Variants in JAZF1 observed in about 807,000 individuals in gnomAD.
JAZF1 encodes the protein juxtaposed with another zinc finger protein 1.
In JAZF1, 8 loss-of-function variants were observed where a neutral mutation model predicts 26.4. The ratio of observed to expected loss-of-function variants is 0.30; its 90% confidence interval spans 0.18 to 0.55. The LOEUF (loss-of-function observed/expected upper bound fraction) is 0.55. JAZF1 is among the 20% of genes least tolerant of loss of function. The pLI, the probability that JAZF1 is intolerant of heterozygous loss-of-function variation, is 0.94. For missense variants in JAZF1, 199 were observed against 322.0 expected, an observed-to-expected ratio of 0.62 and a Z score of 2.92; for synonymous variants, 126 against 122.3, an observed-to-expected ratio of 1.03 and a Z score of -0.20.
At chr7:28,119,149 C>T (rs1359045050) in intron 1 of JAZF1, among the ~76,000 whole-genome samples, 1 of 152,122 alleles carries the variant, frequency 6.6e-6, no homozygotes, top group African/African-American at 2.4e-5. Context: ...CTACCCACTC[C>T]CACCCTCAAG....
At chr7:27,880,417 G>A (rs1300943851) in intron 3 of JAZF1, among the ~76,000 whole-genome samples, 1 of 152,084 alleles carries the variant, frequency 6.6e-6, no homozygotes, top group Non-Finnish European at 1.5e-5. Flanking sequence ...GGCGGATCAC[G>A]AGGTCAGGAG....
chr7:28,175,506 G>A (rs1420463475), intron 1 of JAZF1, among the ~76,000 whole-genome samples: 2 of 152,192 alleles, frequency 1.3e-5, no homozygotes, highest in African/African-American at 4.8e-5. Context: ...ACCACTCCGT[G>A]AGATGGATGC....
chr7:27,858,751 A>G (rs994935511), intron 3 of JAZF1, among the ~76,000 whole-genome samples: 3 of 152,232 alleles, frequency 2.0e-5, no homozygotes, highest in African/African-American at 4.8e-5. Flanking sequence ...AAAGACTTAA[A>G]CATAAAACAT....
intron 1 of JAZF1, among the ~76,000 whole-genome samples, chr7:28,049,093 T>TCTCTC (rs1783548985): frequency 7.8e-6 from 1 of 127,518 alleles, no homozygotes; most frequent in African/African-American, 3.2e-5. Flanking sequence ...CTCTCTCTCT[T>TCTCTC]TCTTTCTTTG....
intron 3 of JAZF1, chr7:27,843,341 C>G (rs1298614260): frequency 2.0e-5 from 3 of 152,354 alleles, no homozygotes; most frequent in African/African-American, 4.8e-5. Flanking sequence ...AGCCACTTGG[C>G]TTTTATTTTC....
At chr7:28,015,066 T>C (rs1202854982) in intron 1 of JAZF1, among the ~76,000 whole-genome samples, 1 of 147,698 alleles carries the variant, frequency 6.8e-6, no homozygotes, top group Non-Finnish European at 1.5e-5. Flanking sequence ...TGTGTGTGTG[T>C]AGGGGTAGGG....
chr7:27,948,519 T>C (rs1784955389), intron 2 of JAZF1, among the ~76,000 whole-genome samples: 1 of 152,148 alleles, frequency 6.6e-6, no homozygotes, highest in Admixed American at 6.5e-5. Context: ...CAAAACCTTG[T>C]AAGAGTCTGT....
At chr7:28,013,414 G>T (rs1333510012) in intron 1 of JAZF1, among the ~76,000 whole-genome samples, 1 of 152,206 alleles carries the variant, frequency 6.6e-6, no homozygotes, top group Admixed American at 6.5e-5. Context: ...TCTCAAACTT[G>T]AGTGTGCATC....
chr7:27,963,122 T>A (rs1040980687), intron 2 of JAZF1, among the ~76,000 whole-genome samples: 1 of 152,210 alleles, frequency 6.6e-6, no homozygotes, highest in African/African-American at 2.4e-5. Flanking sequence ...TTTCTGTGAA[T>A]GAAGGGGAAT....
intron 2 of JAZF1, among the ~76,000 whole-genome samples, chr7:27,924,772 G>T (rs1784584086): frequency 6.6e-6 from 1 of 152,210 alleles, no homozygotes; most frequent in African/African-American, 2.4e-5. Flanking sequence ...TATGAATCCA[G>T]TAAGGTAATG....
At chr7:27,955,872 T>C (rs1277912453) in intron 2 of JAZF1, among the ~76,000 whole-genome samples, 1 of 152,196 alleles carries the variant, frequency 6.6e-6, no homozygotes, top group Non-Finnish European at 1.5e-5. Flanking sequence ...TCTCAGAGGC[T>C]TGAATCTGCA....
At chr7:28,121,186 G>GAAAA (rs113018287) in intron 1 of JAZF1, among the ~76,000 whole-genome samples, 4 of 134,154 alleles carry the variant, frequency 3.0e-5, no homozygotes, top group East Asian at 2.2e-4. Flanking sequence ...AGACTGTCTC[G>GAAAA]AAAAAAAAAG....
chr7:27,966,294 T>C (rs1462086419), intron 2 of JAZF1, among the ~76,000 whole-genome samples: 1 of 152,190 alleles, frequency 6.6e-6, no homozygotes, highest in African/African-American at 2.4e-5. Flanking sequence ...CTGCTTTTCT[T>C]TAATCCCTAC....
chr7:28,122,068 C>T (rs1277449630), intron 1 of JAZF1, among the ~76,000 whole-genome samples: 1 of 152,178 alleles, frequency 6.6e-6, no homozygotes, highest in Non-Finnish European at 1.5e-5. Context: ...CAGCAAGAGG[C>T]CTTGTTTATT....
In JAZF1 at chr7:27,848,321, T is replaced by G. The variant is rs1276955484; in HGVS notation, c.386-7454A>C. The stretch of plus-strand genomic sequence containing the variant: ...TTTTTGATGTGATCATAAATGGGAT[T>G]GTTGTCTTGATTTCTTTTTCAGCTA... On this transcript the variant is annotated intron_variant, in intron 3 of 4. Transcript: ENST00000283928. Among the ~76,000 whole-genome samples, 3 of 152,216 alleles carry G rather than the reference T, an allele frequency of 2.0e-5. No homozygotes were observed. In the East Asian group the frequency reaches 5.8e-4, roughly 29 times the overall value.
intron 3 of JAZF1, among the ~76,000 whole-genome samples, chr7:27,854,661 G>A (rs895135827): frequency 3.3e-5 from 5 of 152,170 alleles, no homozygotes; most frequent in East Asian, 1.9e-4. Flanking sequence ...ATTCTGGGCT[G>A]AAAATTCCTT....
At chr7:28,118,622 A>C (rs1784786244) in intron 1 of JAZF1, among the ~76,000 whole-genome samples, 1 of 152,230 alleles carries the variant, frequency 6.6e-6, no homozygotes, top group African/African-American at 2.4e-5. Context: ...TTCTATGGCA[A>C]ATGACTTTGT....
intron 2 of JAZF1, among the ~76,000 whole-genome samples, chr7:27,966,555 T>C (rs1785279212): frequency 6.6e-6 from 1 of 152,150 alleles, no homozygotes. Context: ...ATGGTGTATG[T>C]GGCCAAGCCT....
At chr7:28,116,015 TA>T (rs2127935348) in intron 1 of JAZF1, among the ~76,000 whole-genome samples, 1 of 152,330 alleles carries the variant, frequency 6.6e-6, no homozygotes, top group East Asian at 1.9e-4. Context: ...TATTCCATTG[TA>T]AAAGTGGATC....
Sources: allele counts gnomAD v4.1 joint callset (sites outside exome capture counted in the v4.1 genomes callset), GRCh38; gene constraint gnomAD v4.1.1; transcripts MANE v1.5; gene names NCBI Gene and HGNC (gene_info 2026-07-23, HGNC 2026-07-21).